Variants in INSIG1 observed in about 807,000 individuals in gnomAD.
INSIG1 encodes insulin induced gene 1.
INSIG1 carries 14 observed loss-of-function variants against 26.5 expected under a neutral mutation model. The observed-to-expected ratio is 0.53, with a 90% CI of 0.35 to 0.83. The LOEUF is 0.83. INSIG1 is among the 40% of genes least tolerant of loss of function. The pLI is 0.01. For synonymous variants in INSIG1, 147 were observed against 153.3 expected, an observed-to-expected ratio of 0.96 and a Z score of 0.30; for missense variants, 272 against 368.9, an observed-to-expected ratio of 0.74 and a Z score of 2.15.
chr7:155,308,229 T>C lies in INSIG1; in HGVS notation c.805-12T>C, dbSNP rs767266407. The C allele has an allele frequency of 7.0e-7, 1 of 1,430,132 alleles. No individual in the cohort carries two copies. The highest frequency in any genetic ancestry group is 1.8e-4 in the Middle Eastern group (1 of 5,560). 88.6% of individuals were successfully genotyped at this position (1,430,132 alleles called of 1,614,324 possible). A position where few individuals can be genotyped will look rare whatever the true frequency, so the allele number is the denominator to read the frequency against. On this transcript the variant is annotated splice_polypyrimidine_tract_variant and intron_variant, in intron 5 of 5. Transcript: ENST00000340368. Reference sequence around the variant, plus strand: ...TTTTCTCTTTCCTTTTTTTTTTCCTTTCTACACATAGGGTGTTCCTGAAAA... The same window carrying C: ...TTTTCTCTTTCCTTTTTTTTTTCCTCTCTACACATAGGGTGTTCCTGAAAA...
In INSIG1 at chr7:155,309,954, C is replaced by G. The variant is rs1798040428; in HGVS notation, c.*1684C>G. On this transcript the variant is annotated 3_prime_UTR_variant, in exon 6 of 6. Coordinates refer to ENST00000340368, the MANE Select transcript of INSIG1 (RefSeq NM_005542.6). ...AGTGAATCTTTAAAACAGACTTGAT[C>G]ACGCACACACAATAAGTCTTTCTCT... The G allele has an allele frequency of 6.6e-6, 1 of 152,604 alleles. No homozygotes were observed. Among genetic ancestry groups the G allele is most frequent in the African/African-American group, 2.4e-5 (1 of 41,440 alleles). The allele number at this position is 152,604 out of a possible 1,614,324, so 9.5% of individuals were successfully genotyped here. A position where few individuals can be genotyped will look rare whatever the true frequency, so the allele number is the denominator to read the frequency against.
intron 5 of INSIG1, among the ~76,000 whole-genome samples, chr7:155,306,119 C>T (rs886957543): frequency 6.6e-6 from 1 of 152,196 alleles, no homozygotes; most frequent in African/African-American, 2.4e-5. Context: ...CCTGCCTCAG[C>T]CTCCCAAGTA....
rs1334915739 is a variant in INSIG1, at chr7:155,308,845, G to A, written c.*575G>A. 6.5e-6 allele frequency: 1 copy of A among 153,868 alleles called. No individual in the cohort carries two copies. The highest frequency in any genetic ancestry group is 1.5e-5 in the Non-Finnish European group (1 of 68,732). 9.5% of individuals were successfully genotyped at this position (153,868 alleles called of 1,614,324 possible). Reference sequence around the variant, plus strand: ...CACGGTCACGCTCGTCCGTCCTGCAGTGGCGTGTTTACATGGTCACACGTG... The same window carrying A: ...CACGGTCACGCTCGTCCGTCCTGCAATGGCGTGTTTACATGGTCACACGTG... On this transcript the variant is annotated 3_prime_UTR_variant, in exon 6 of 6. Transcript: ENST00000340368.
intron 5 of INSIG1, among the ~76,000 whole-genome samples, chr7:155,303,374 G>C (rs544870296): frequency 6.6e-6 from 1 of 152,232 alleles, no homozygotes; most frequent in Non-Finnish European, 1.5e-5. Flanking sequence ...GTGGGCAAGG[G>C]GACAGCCTGG....
At chr7:155,301,834 G>A in intron 3 of INSIG1, 144 bp downstream of exon 3, 3 of 679,176 alleles carry the variant, frequency 4.4e-6, no homozygotes, top group Non-Finnish European at 6.4e-6. Context: ...ACTAAAAAGA[G>A]AAAGAAGAAT....
chr7:155,300,033 G>A (rs913643345), intron 2 of INSIG1, among the ~76,000 whole-genome samples: 1 of 152,210 alleles, frequency 6.6e-6, no homozygotes. Flanking sequence ...TTTGTTCTCG[G>A]AGGGACGGGA....
At chr7:155,307,052 T>G (rs1311424700) in intron 5 of INSIG1, among the ~76,000 whole-genome samples, 1 of 152,054 alleles carries the variant, frequency 6.6e-6, no homozygotes, top group Non-Finnish European at 1.5e-5. Context: ...GAACAGGGAG[T>G]CAAATGTGAT....
At chr7:155,303,821 C>A (rs1266999140) in intron 5 of INSIG1, 2 of 1,357,790 alleles carry the variant, frequency 1.5e-6, no homozygotes, top group Admixed American at 3.9e-5. Flanking sequence ...TTTATTTTTG[C>A]CAGCTGATAC....
At position 155,308,903 on chromosome 7, in the gene INSIG1, T is replaced by C. The variant is rs1798012840; in HGVS notation, c.*633T>C. On this transcript the variant is annotated 3_prime_UTR_variant, in exon 6 of 6. Transcript: ENST00000340368. ...CACCAGTGGGTCAACTGCTTGTCAT[T>C]CCTCCCGTGGCAGTTTGTGTAGACA... 6.6e-6 allele frequency: 1 copy of C among 152,632 alleles called. No homozygotes were observed. The highest frequency in any genetic ancestry group is 2.4e-5 in the African/African-American group (1 of 41,426). The allele number at this position is 152,632 out of a possible 1,614,324, so 9.5% of individuals were successfully genotyped here. A position where few individuals can be genotyped will look rare whatever the true frequency, so the allele number is the denominator to read the frequency against.
chr7:155,303,980 T>C (rs1797865892), intron 5 of INSIG1: 3 of 84,292 alleles, frequency 3.6e-5, no homozygotes, highest in South Asian at 2.9e-4. Flanking sequence ...GCTTGCCTTT[T>C]TTTTTTTTTT....
chr7:155,300,862 G>A (rs1416097235), intron 2 of INSIG1, among the ~76,000 whole-genome samples: 1 of 152,222 alleles, frequency 6.6e-6, no homozygotes, highest in African/African-American at 2.4e-5. Flanking sequence ...TCTTGGTCTG[G>A]TGTTCTTTCC....
intron 1 of INSIG1, 132 bp from the exon 2 acceptor site, chr7:155,298,127 C>G: frequency 4.6e-6 from 3 of 653,764 alleles, no homozygotes; most frequent in Admixed American, 4.3e-5. Flanking sequence ...CCGCTGGCCC[C>G]GGGCGGGCGC....
At position 155,302,165 on chromosome 7, in the gene INSIG1, A is replaced by C; in HGVS notation, c.538-86A>C. On this transcript the variant is annotated intron_variant, in intron 3 of 5. Transcript: ENST00000340368. This position sits in a 1 kb window ranked among gnomAD's most constrained non-coding sequence, Gnocchi z 4.3. ...GAATTATCTGTGGTACAATAATAAA[A>C]TACCCATGTTTTTAACCCTTGTGGT... The C allele has an allele frequency of 9.8e-7, 1 of 1,017,864 alleles. No individual in the cohort carries two copies. Among genetic ancestry groups the C allele is most frequent in the Non-Finnish European group, 1.4e-6 (1 of 706,766 alleles). 63.1% of individuals were successfully genotyped at this position (1,017,864 alleles called of 1,614,324 possible).
intron 2 of INSIG1, among the ~76,000 whole-genome samples, chr7:155,299,665 C>G (rs926328625): frequency 6.6e-6 from 1 of 152,196 alleles, no homozygotes; most frequent in Non-Finnish European, 1.5e-5. Flanking sequence ...AGGGAGCATC[C>G]TGTTTGCTTT....
chr7:155,302,893 C>A lies in INSIG1; in HGVS notation c.804+47C>A. On this transcript the variant is annotated intron_variant, in intron 5 of 5. Coordinates refer to ENST00000340368, the MANE Select transcript of INSIG1 (RefSeq NM_005542.6). The surrounding 1 kb of genome is among the most constrained non-coding windows in gnomAD (Gnocchi z 4.3). ...TCTTCTAAAACTTGCGTCTCTTTAC[C>A]TTGATAGAATGACTTTACATGATAC... 7.9e-7 allele frequency: 1 copy of A among 1,263,334 alleles called. No homozygotes were observed. The highest frequency in any genetic ancestry group is 1.2e-5 in the South Asian group (1 of 83,114). 78.3% of individuals were successfully genotyped at this position (1,263,334 alleles called of 1,614,324 possible). A position where few individuals can be genotyped will look rare whatever the true frequency, so the allele number is the denominator to read the frequency against.
chr7:155,307,312 GT>G (rs1563033782), intron 5 of INSIG1, among the ~76,000 whole-genome samples: 1 of 152,194 alleles, frequency 6.6e-6, no homozygotes, highest in African/African-American at 2.4e-5. Context: ...GGCTCTTGCT[GT>G]TTTCTGGATG....
chr7:155,306,295 C>T (rs531756897), intron 5 of INSIG1, among the ~76,000 whole-genome samples: 3 of 152,228 alleles, frequency 2.0e-5, no homozygotes, highest in South Asian at 2.1e-4. Context: ...CCACCGCGCC[C>T]GGCCCAGCCT....
intron 2 of INSIG1, among the ~76,000 whole-genome samples, chr7:155,300,301 A>G (rs1265303630): frequency 6.6e-6 from 1 of 152,218 alleles, no homozygotes; most frequent in African/African-American, 2.4e-5. Flanking sequence ...AGCCAAGAGC[A>G]TAAGTAAAAT....
chr7:155,301,079 G>A (rs2150895765), intron 2 of INSIG1, among the ~76,000 whole-genome samples: 1 of 152,340 alleles, frequency 6.6e-6, no homozygotes, highest in Middle Eastern at 3.4e-3. Flanking sequence ...CAGCAAATAT[G>A]TATCTCATCA....
Sources: gnomAD v4.1 joint callset for allele counts (sites outside exome capture counted in the v4.1 genomes callset) on GRCh38, gnomAD v4.1.1 for gene constraint, Gnocchi (gnomAD v3.1) non-coding constraint, MANE v1.5 for transcripts, NCBI Gene and HGNC (gene_info 2026-07-23, HGNC 2026-07-21) for gene names.